CDH15: variants seen among roughly 807,000 people sequenced by gnomAD.
CDH15 encodes the protein cadherin 15, also known as cadherin-15.
In CDH15, 73 loss-of-function variants were observed where a neutral mutation model predicts 69.4. That is an observed-to-expected ratio of 1.05 (90% CI 0.87 to 1.28). The LOEUF (loss-of-function observed/expected upper bound fraction) is 1.28, where lower values mean the gene tolerates loss of function less well. Among genes scored for constraint, CDH15 ranks in the 50% most tolerant of loss-of-function variants. The pLI, the probability that CDH15 is intolerant of heterozygous loss-of-function variation, is 0.00. For missense variants in CDH15, 1,343 were observed against 1,133.6 expected, an observed-to-expected ratio of 1.18 and a Z score of -2.65; for synonymous variants, 624 against 507.7, an observed-to-expected ratio of 1.23 and a Z score of -3.08.
intron 4 of CDH15, among the ~76,000 whole-genome samples, chr16:89,184,642 G>T (rs986863485): frequency 5.3e-5 from 8 of 151,772 alleles, no homozygotes; most frequent in Non-Finnish European, 7.4e-5. Context: ...GTCTTATCCT[G>T]TCCGTGCGTC....
At chr16:89,190,771 T>G (rs1351641429) in intron 8 of CDH15, among the ~76,000 whole-genome samples, 1 of 152,136 alleles carries the variant, frequency 6.6e-6, no homozygotes, top group Non-Finnish European at 1.5e-5. Flanking sequence ...CCCAAGGGAC[T>G]GGCCGTTCGC....
rs759569138 is a variant in CDH15, at chr16:89,194,920, A to G, written c.2210A>G (p.Tyr737Cys). The change falls in exon 14 of 14, where the codon TAT (tyrosine) becomes TGT (cysteine). Residue 737 changes from tyrosine to cysteine, a missense_variant. Coordinates refer to ENST00000289746, the MANE Select transcript of CDH15 (RefSeq NM_004933.3). Reference sequence around the variant, plus strand: ...CCGCCTTACGACACAGCCCTCATCTATGACTACGAGGGTGACGGCTCGGTG... The same window carrying G: ...CCGCCTTACGACACAGCCCTCATCTGTGACTACGAGGGTGACGGCTCGGTG... ...SVPPYDTALI[Y>C]DYEGDGSVAG... is the part of the protein sequence containing the mutation. 11 of 1,608,320 alleles carry G rather than the reference A, an allele frequency of 6.8e-6. No individual in the cohort carries two copies. The East Asian group carries it at 1.6e-4, about 23-fold the overall frequency.
intron 10 of CDH15, 136 bp downstream of exon 10, chr16:89,192,030 C>CT (rs944623663): frequency 8.7e-7 from 1 of 1,151,472 alleles, no homozygotes; most frequent in Non-Finnish European, 1.2e-6. Context: ...CGCCACCCCC[C>CT]CCACCACTGC....
intron 1 of CDH15, among the ~76,000 whole-genome samples, chr16:89,176,088 G>A (rs1915249756): frequency 6.6e-6 from 1 of 152,238 alleles, no homozygotes; most frequent in African/African-American, 2.4e-5. Flanking sequence ...GGCCGGTGGT[G>A]GAGGACAGAG....
chr16:89,190,972 A>G (rs1410973833), intron 8 of CDH15, among the ~76,000 whole-genome samples: 1 of 148,722 alleles, frequency 6.7e-6, no homozygotes, highest in Non-Finnish European at 1.5e-5. Flanking sequence ...AGCTCCCATC[A>G]TATTCACATG....
chr16:89,180,671 C>A (rs978717572), intron 3 of CDH15, among the ~76,000 whole-genome samples: 3 of 152,258 alleles, frequency 2.0e-5, no homozygotes, highest in Non-Finnish European at 2.9e-5. Context: ...CAGCCAGCAA[C>A]CCACTGGTCC....
At chr16:89,188,013 G>A in intron 6 of CDH15, 87 bp from the exon 7 acceptor site, 1 of 905,848 alleles carries the variant, frequency 1.1e-6, no homozygotes, top group Non-Finnish European at 1.7e-6. Flanking sequence ...GAGGGTGGGA[G>A]GGGAGGGTGG....
At chr16:89,176,536 G>A (rs1016185622) in intron 1 of CDH15, among the ~76,000 whole-genome samples, 11 of 152,196 alleles carry the variant, frequency 7.2e-5, no homozygotes, top group African/African-American at 2.7e-4. Context: ...CCGACTCGGT[G>A]CTCCCTCCGC....
rs989239055 is a variant in CDH15, at chr16:89,195,447, C to A, written c.*292C>A. 1.3e-5 allele frequency: 6 copies of A among 476,894 alleles called. No individual in the cohort carries two copies. The highest frequency in any genetic ancestry group is 2.2e-5 in the Non-Finnish European group (6 of 267,108). 29.5% of individuals were successfully genotyped at this position (476,894 alleles called of 1,614,324 possible). On this transcript the variant is annotated 3_prime_UTR_variant, in exon 14 of 14. Transcript: ENST00000289746. ...TCATCTTTGTATGAAAGACAGCAACCTCCTGGGTAAATCTGAATGAAAAAC... is the reference window on the plus strand; with the variant it reads ...TCATCTTTGTATGAAAGACAGCAACATCCTGGGTAAATCTGAATGAAAAAC...
At position 89,181,348 on chromosome 16, in the gene CDH15, G is replaced by A. The variant is rs186153407; in HGVS notation, c.357+993G>A. Among the ~76,000 whole-genome samples the A allele has an allele frequency of 2.8e-3, 420 of 152,296 alleles. 1 individual carries two copies. The highest frequency in any genetic ancestry group is 0.017 in the Middle Eastern group (5 of 294). On this transcript the variant is annotated intron_variant, in intron 3 of 13. Transcript: ENST00000289746. ...GGGGCAGTGAGCGCCGGGCGCGGTG[G>A]CTCACACAATCCCAGCACTTCGGGA...
chr16:89,173,575 G>A (rs1279105207), intron 1 of CDH15, among the ~76,000 whole-genome samples: 1 of 152,168 alleles, frequency 6.6e-6, no homozygotes, highest in African/African-American at 2.4e-5. Context: ...ACTCCACTGT[G>A]AGGCAAAATA....
chr16:89,176,095 A>G lies in CDH15; in HGVS notation c.43-3321A>G, dbSNP rs1280951727. On this transcript the variant is annotated intron_variant, in intron 1 of 13. Coordinates refer to ENST00000289746, the MANE Select transcript of CDH15 (RefSeq NM_004933.3). ...GGGTAAGCGGCCGGTGGTGGAGGAC[A>G]GAGGCCAAGCCTAATGGGGGTTCGG... Among the ~76,000 whole-genome samples, 3 of 152,226 alleles carry G rather than the reference A, an allele frequency of 2.0e-5. No individual in the cohort carries two copies. The East Asian group carries it at 5.8e-4, about 29-fold the overall frequency.
chr16:89,181,994 AAAG>A lies in CDH15; in HGVS notation c.358-1542_358-1540del, dbSNP rs1275589331. Among the ~76,000 whole-genome samples, 17 of 151,532 alleles carry A rather than the reference AAAG, an allele frequency of 1.1e-4. No individual in the cohort carries two copies. In the East Asian group the frequency reaches 2.1e-3, roughly 19 times the overall value. ...GGAGGAGGAAGAGGAGGAGAAGAAG[AAAG>A]AAGAAGAAGAAAAAAAAGGGCAGTG... On this transcript the variant is annotated intron_variant, in intron 3 of 13. Coordinates refer to ENST00000289746, the MANE Select transcript of CDH15 (RefSeq NM_004933.3).
chr16:89,187,061 C>T (rs1362116481), intron 5 of CDH15, among the ~76,000 whole-genome samples: 4 of 151,710 alleles, frequency 2.6e-5, no homozygotes, highest in African/African-American at 9.7e-5. Flanking sequence ...AAACGCTTAC[C>T]CCGGGCACAC....
intron 1 of CDH15, among the ~76,000 whole-genome samples, chr16:89,172,896 T>C (rs1273001351): frequency 6.6e-6 from 1 of 152,126 alleles, no homozygotes; most frequent in South Asian, 2.1e-4. Flanking sequence ...GCTCTTGTGG[T>C]CCTGGGGTGG....
At chr16:89,189,065 C>G (rs1469022178) in intron 7 of CDH15, among the ~76,000 whole-genome samples, 1 of 132,460 alleles carries the variant, frequency 7.5e-6, no homozygotes, top group African/African-American at 2.9e-5. Flanking sequence ...ACACAGATGC[C>G]GGCACACACA....
At chr16:89,190,202 C>G in intron 7 of CDH15, 41 bp from the exon 8 acceptor site, 1 of 1,603,542 alleles carries the variant, frequency 6.2e-7, no homozygotes. Flanking sequence ...GGTGCCCACA[C>G]TTGCGTTGGG....
Position 89,188,264 on chromosome 16 carries a change from G to C in CDH15, c.957G>C (p.Glu319Asp), listed in dbSNP as rs773800223. 2 of 1,613,470 alleles carry C rather than the reference G, an allele frequency of 1.2e-6. No individual in the cohort carries two copies. Among genetic ancestry groups the C allele is most frequent in the East Asian group, 2.2e-5 (1 of 44,886 alleles). ...TCCGCACGGACCCCAAGACCAACGA[G>C]GGTGTTCTGTCCATTGTGAAGGTGA... ...FTIRTDPKTN[E>D]GVLSIVKALD... Residue 319 changes from glutamate (E) to aspartate (D), a missense_variant, in exon 7 of 14, where the codon GAG (glutamate) becomes GAC (aspartate). Physicochemically the swap from Glu to Asp is conservative, Grantham distance 45. Coordinates refer to ENST00000289746, the MANE Select transcript of CDH15 (RefSeq NM_004933.3).
In CDH15 at chr16:89,194,244, G is replaced by A. The variant is rs1915737121; in HGVS notation, c.2151+331G>A. ...CCCTGGGCTTCGGTGGCTGTCAGCG[G>A]AATCAGGGCCTCCATAGAAGACCCT... On this transcript the variant is annotated intron_variant, in intron 13 of 13. Transcript: ENST00000289746. Among the ~76,000 whole-genome samples the A allele has an allele frequency of 2.6e-5, 4 of 152,282 alleles. No homozygotes were observed. The South Asian group carries it at 8.3e-4, about 32-fold the overall frequency.
Sources: allele counts gnomAD v4.1 joint callset (sites outside exome capture counted in the v4.1 genomes callset), GRCh38; gene constraint gnomAD v4.1.1; transcripts MANE v1.5; gene names NCBI Gene and HGNC (gene_info 2026-07-23, HGNC 2026-07-21).